CFAP91: variants seen among roughly 807,000 people sequenced by gnomAD.
CFAP91 encodes the protein cilia- and flagella-associated protein 91.
In CFAP91, 85 loss-of-function variants were observed where a neutral mutation model predicts 95.9. The ratio of observed to expected loss-of-function variants is 0.89; its 90% confidence interval spans 0.74 to 1.06. CFAP91 has a LOEUF of 1.06. CFAP91 is among the 50% of genes least tolerant of loss of function. The pLI is 0.00. For missense variants in CFAP91, 962 were observed against 943.4 expected (o/e 1.02, Z -0.26); for synonymous variants, 335 against 327.5 (o/e 1.02, Z -0.25).
intron 6 of CFAP91, among the ~76,000 whole-genome samples, chr3:119,725,732 GGGCAACA>G (rs1230064198): frequency 6.6e-6 from 1 of 151,862 alleles, no homozygotes; most frequent in African/African-American, 2.4e-5. Context: ...ACTCCAGCCT[GGGCAACA>G]GAGTGAGACC....
intron 10 of CFAP91, among the ~76,000 whole-genome samples, chr3:119,735,463 CA>C (rs1279695710): frequency 6.6e-6 from 1 of 152,040 alleles, no homozygotes; most frequent in Non-Finnish European, 1.5e-5. Context: ...TTTCTAATAT[CA>C]AAAAACCCAT....
intron 1 of CFAP91, 172 bp downstream of exon 1, chr3:119,703,394 C>A (rs998797599): frequency 1.9e-5 from 19 of 983,416 alleles, no homozygotes; most frequent in Non-Finnish European, 2.8e-5. Flanking sequence ...CTCCAGGTGG[C>A]CGCACTCAGG....
intron 8 of CFAP91, among the ~76,000 whole-genome samples, chr3:119,730,807 A>G (rs1001855669): frequency 6.6e-6 from 1 of 152,182 alleles, no homozygotes; most frequent in African/African-American, 2.4e-5. Context: ...CGCAGATATA[A>G]CATATATATG....
chr3:119,749,892 A>T (rs2054295602), intron 16 of CFAP91, among the ~76,000 whole-genome samples: 1 of 152,232 alleles, frequency 6.6e-6, no homozygotes, highest in African/African-American at 2.4e-5. Context: ...TAACTGCCAA[A>T]TTTTAAATGC....
At chr3:119,715,479 C>T (rs757223529) in intron 5 of CFAP91, 83 bp from the exon 6 acceptor site, 73 of 1,171,934 alleles carry the variant, frequency 6.2e-5, no homozygotes, top group Non-Finnish European at 8.6e-5. Context: ...GACAAAGCTT[C>T]GAAGATTTGT....
chr3:119,728,144 G>A (rs1049540457), intron 7 of CFAP91, among the ~76,000 whole-genome samples: 1 of 152,090 alleles, frequency 6.6e-6, no homozygotes, highest in Non-Finnish European at 1.5e-5. Context: ...ATGACGAGTG[G>A]ACTATAAGGA....
intron 10 of CFAP91, among the ~76,000 whole-genome samples, chr3:119,734,727 C>T (rs919820839): frequency 6.6e-6 from 1 of 152,142 alleles, no homozygotes; most frequent in Non-Finnish European, 1.5e-5. Context: ...AAATGACCTT[C>T]TTGTTTTTCT....
At chr3:119,757,236 A>G (rs1319036259) in intron 17 of CFAP91, among the ~76,000 whole-genome samples, 1 of 152,196 alleles carries the variant, frequency 6.6e-6, no homozygotes, top group East Asian at 1.9e-4. Flanking sequence ...CTCCCCCTAA[A>G]TGTAGCAAAA....
At chr3:119,738,905 A>G (rs1233158706) in intron 11 of CFAP91, among the ~76,000 whole-genome samples, 1 of 152,212 alleles carries the variant, frequency 6.6e-6, no homozygotes, top group African/African-American at 2.4e-5. Flanking sequence ...TCAAACATGA[A>G]AAATCCTATT....
chr3:119,761,805 A>C (rs1033679216), intron 17 of CFAP91, among the ~76,000 whole-genome samples: 1 of 151,858 alleles, frequency 6.6e-6, no homozygotes. Flanking sequence ...GACAAAAAAA[A>C]CTCTTAACAG....
At chr3:119,763,200 C>A (rs949010399) in intron 17 of CFAP91, among the ~76,000 whole-genome samples, 2 of 151,802 alleles carry the variant, frequency 1.3e-5, no homozygotes, top group Non-Finnish European at 2.9e-5. Flanking sequence ...ATACAAATGG[C>A]CAACAGATAC....
In CFAP91 at chr3:119,703,185, C is replaced by T. The variant is rs1013043475; in HGVS notation, c.87C>T (p.Ser29=). Residue 29 remains serine (S), a synonymous_variant, in exon 1 of 18, where the codon AGC becomes AGT. Coordinates refer to ENST00000273390, the MANE Select transcript of CFAP91 (RefSeq NM_033364.4). ...ACCGGGAGAGGTCGCGGGCTGGGAG[C>T]CACATCTCCTCCAATCGAGCGTATG... ...TRYRERSRAG[S]HISSNRAYDF... is the part of the protein sequence containing the mutation. The T allele has an allele frequency of 6.2e-7, 1 of 1,610,916 alleles. No individual in the cohort carries two copies. Among genetic ancestry groups the T allele is most frequent in the Non-Finnish European group, 8.5e-7 (1 of 1,178,624 alleles).
chr3:119,707,333 C>A, intron 2 of CFAP91, 71 bp from the exon 3 acceptor site: 1 of 1,146,932 alleles, frequency 8.7e-7, no homozygotes, highest in Non-Finnish European at 1.2e-6. Context: ...AAAGAGTTTA[C>A]AATGTAATTA....
At chr3:119,722,112 G>A (rs1203501600) in intron 6 of CFAP91, among the ~76,000 whole-genome samples, 2 of 149,158 alleles carry the variant, frequency 1.3e-5, no homozygotes, top group African/African-American at 5.0e-5. Flanking sequence ...CAAGGTTACA[G>A]TGTACAGTGA....
At chr3:119,703,270 A>G (rs774085086) in intron 1 of CFAP91, 48 bp downstream of exon 1, 2 of 1,599,808 alleles carry the variant, frequency 1.3e-6, no homozygotes, top group Middle Eastern at 1.7e-4. Flanking sequence ...CTCCTAGGCC[A>G]GGTGGGCTCC....
At chr3:119,730,474 G>T in intron 8 of CFAP91, 97 bp downstream of exon 8, 1 of 1,293,528 alleles carries the variant, frequency 7.7e-7, no homozygotes, top group Non-Finnish European at 1.1e-6. Flanking sequence ...ATTCTGTTTT[G>T]GTCCTGGGAA....
intron 11 of CFAP91, among the ~76,000 whole-genome samples, chr3:119,738,451 C>A (rs1038467231): frequency 1.4e-5 from 2 of 141,398 alleles, no homozygotes; most frequent in Admixed American, 1.5e-4. Context: ...TGGGTTCAAG[C>A]GATTCTCCTG....
intron 17 of CFAP91, among the ~76,000 whole-genome samples, chr3:119,757,193 A>C (rs1289308477): frequency 6.6e-6 from 1 of 152,214 alleles, no homozygotes; most frequent in African/African-American, 2.4e-5. Context: ...GGAAGATATA[A>C]TGTCACAATT....
In CFAP91 at chr3:119,765,235, A is replaced by C. The variant is rs1453620650; in HGVS notation, c.*185A>C. The C allele has an allele frequency of 6.6e-6, 1 of 152,226 alleles. No homozygotes were observed. The highest frequency in any genetic ancestry group is 2.4e-5 in the African/African-American group (1 of 41,456). 9.4% of individuals were successfully genotyped at this position (152,226 alleles called of 1,614,324 possible). A position where few individuals can be genotyped will look rare whatever the true frequency, so the allele number is the denominator to read the frequency against. On this transcript the variant is annotated 3_prime_UTR_variant, in exon 18 of 18. Transcript: ENST00000273390. ...TTCAATAATAATAATCAAATGAAAA[A>C]GCTTCATTCTCTTCAGTGTCTTCTA...
Sources: allele counts gnomAD v4.1 joint callset (sites outside exome capture counted in the v4.1 genomes callset), GRCh38; gene constraint gnomAD v4.1.1; transcripts MANE v1.5; gene names NCBI Gene and HGNC (gene_info 2026-07-23, HGNC 2026-07-21).